The following L3MBTL4 variants were observed in gnomAD, a reference collection of about 807,000 sequenced individuals.
L3MBTL4 encodes the protein lethal(3)malignant brain tumor-like protein 4.
In L3MBTL4, 70 loss-of-function variants were observed where a neutral mutation model predicts 84.5. The observed-to-expected ratio is 0.83, with a 90% CI of 0.68 to 1.01. L3MBTL4 has a LOEUF of 1.01. Among genes scored for constraint, L3MBTL4 ranks in the 50% least tolerant of loss-of-function variants. The probability of loss-of-function intolerance (pLI) is 0.00; values close to 1 mark genes in which losing one functional copy is unlikely to be tolerated. For missense variants in L3MBTL4, 715 were observed against 754.8 expected (o/e 0.95, Z 0.62); for synonymous variants, 274 against 259.8 (o/e 1.05, Z -0.52).
At position 6,205,805 on chromosome 18, in the gene L3MBTL4, G is replaced by A. The variant is rs146405824; in HGVS notation, c.981+7344C>T. ...TTAAAAATAGAGTGCCTACAAAGCA[G>A]GATGTGAGCAAAAGAGACGATGTTT... On this transcript the variant is annotated intron_variant, in intron 12 of 18. Transcript: ENST00000317931. Among the ~76,000 whole-genome samples, 17 of 152,338 alleles carry A rather than the reference G, an allele frequency of 1.1e-4. No individual in the cohort carries two copies. In the East Asian group the frequency reaches 3.3e-3, roughly 29 times the overall value.
At chr18:6,404,852 ATTTT>A (rs796588434) in intron 1 of L3MBTL4, among the ~76,000 whole-genome samples, 1 of 142,258 alleles carries the variant, frequency 7.0e-6, no homozygotes, top group Non-Finnish European at 1.5e-5. Flanking sequence ...TGCCTGGATA[ATTTT>A]TTTTTTTTTT....
chr18:6,158,280 T>A (rs2043180968), intron 13 of L3MBTL4, among the ~76,000 whole-genome samples: 1 of 152,162 alleles, frequency 6.6e-6, no homozygotes, highest in Admixed American at 6.5e-5. Flanking sequence ...AAGGAAGTGG[T>A]CAAATGAAAA....
intron 1 of L3MBTL4, among the ~76,000 whole-genome samples, chr18:6,370,248 A>T (rs1200882457): frequency 1.3e-5 from 2 of 152,102 alleles, no homozygotes; most frequent in Non-Finnish European, 1.5e-5. Context: ...TTGCTTGTGC[A>T]CCCAGGACAG....
chr18:6,261,484 T>A (rs1412608742), intron 5 of L3MBTL4, among the ~76,000 whole-genome samples: 2 of 152,108 alleles, frequency 1.3e-5, no homozygotes, highest in Non-Finnish European at 1.5e-5. Context: ...TCTCTCCAAC[T>A]CTCTCCACCC....
intron 16 of L3MBTL4, among the ~76,000 whole-genome samples, chr18:6,014,653 G>A (rs1025275090): frequency 3.3e-5 from 5 of 152,134 alleles, no homozygotes; most frequent in African/African-American, 4.8e-5. Context: ...CCACATGGCT[G>A]GAGCTCAGAG....
chr18:6,061,988 T>C (rs961525974), intron 16 of L3MBTL4, among the ~76,000 whole-genome samples: 1 of 151,990 alleles, frequency 6.6e-6, no homozygotes, highest in African/African-American at 2.4e-5. Flanking sequence ...TTTGCTATTG[T>C]TATTAAAAAA....
intron 1 of L3MBTL4, among the ~76,000 whole-genome samples, chr18:6,321,593 C>G (rs1368439772): frequency 6.6e-6 from 1 of 152,080 alleles, no homozygotes; most frequent in African/African-American, 2.4e-5. Flanking sequence ...ATCAAAAAGA[C>G]ATATACATTG....
At chr18:6,378,007 C>T (rs1183489002) in intron 1 of L3MBTL4, among the ~76,000 whole-genome samples, 2 of 152,156 alleles carry the variant, frequency 1.3e-5, no homozygotes, top group South Asian at 2.1e-4. Flanking sequence ...TTAATGATCG[C>T]CATTCTAACT....
intron 4 of L3MBTL4, among the ~76,000 whole-genome samples, chr18:6,265,867 A>T (rs772787731): frequency 9.2e-5 from 14 of 152,236 alleles, no homozygotes; most frequent in Non-Finnish European, 1.9e-4. Context: ...CGTTCCAGTT[A>T]GACAGCAGGC....
At chr18:6,103,716 T>C (rs1212397887) in intron 14 of L3MBTL4, among the ~76,000 whole-genome samples, 1 of 152,258 alleles carries the variant, frequency 6.6e-6, no homozygotes, top group East Asian at 1.9e-4. Flanking sequence ...TATATTTATG[T>C]ATACCCGCAA....
intron 4 of L3MBTL4, among the ~76,000 whole-genome samples, chr18:6,279,783 G>T (rs2049247664): frequency 6.6e-6 from 1 of 152,150 alleles, no homozygotes; most frequent in South Asian, 2.1e-4. Flanking sequence ...ACCTATATGA[G>T]ATGGCAGTAT....
chr18:6,284,525 C>A (rs1315857012), intron 4 of L3MBTL4, among the ~76,000 whole-genome samples: 1 of 152,234 alleles, frequency 6.6e-6, no homozygotes, highest in East Asian at 1.9e-4. Flanking sequence ...CACTCAGCTC[C>A]CTCGCTGGCT....
intron 16 of L3MBTL4, among the ~76,000 whole-genome samples, chr18:6,073,558 A>C (rs1346290794): frequency 6.6e-6 from 1 of 152,212 alleles, no homozygotes; most frequent in Non-Finnish European, 1.5e-5. Flanking sequence ...GAGATGAAGA[A>C]GACATTACAA....
intron 14 of L3MBTL4, among the ~76,000 whole-genome samples, chr18:6,114,002 T>C (rs1021887881): frequency 1.3e-5 from 2 of 152,212 alleles, no homozygotes; most frequent in African/African-American, 4.8e-5. Context: ...TTTCTTCCAA[T>C]ATTAATTGAG....
At chr18:6,399,388 G>T (rs1271327800) in intron 1 of L3MBTL4, among the ~76,000 whole-genome samples, 2 of 151,738 alleles carry the variant, frequency 1.3e-5, no homozygotes, top group Non-Finnish European at 2.9e-5. Flanking sequence ...AGAGAGCCAA[G>T]ACTGAACCAC....
chr18:6,225,353 GC>G (rs1464839109), intron 10 of L3MBTL4, among the ~76,000 whole-genome samples: 2 of 152,234 alleles, frequency 1.3e-5, no homozygotes, highest in Non-Finnish European at 2.9e-5. Context: ...TAATGGGCCT[GC>G]CCAAGTGCTC....
At chr18:6,240,898 C>A (rs2047424148) in intron 8 of L3MBTL4, among the ~76,000 whole-genome samples, 1 of 152,164 alleles carries the variant, frequency 6.6e-6, no homozygotes, top group African/African-American at 2.4e-5. Flanking sequence ...ACACGGATGG[C>A]ATAAGAAGTG....
At chr18:6,030,942 A>G (rs1322246301) in intron 16 of L3MBTL4, 1 of 984,708 alleles carries the variant, frequency 1.0e-6, no homozygotes, top group Non-Finnish European at 1.2e-6. Flanking sequence ...GTTTATTGTT[A>G]TGAAATACTC....
At chr18:6,205,037 C>A (rs867687381) in intron 12 of L3MBTL4, among the ~76,000 whole-genome samples, 2 of 152,136 alleles carry the variant, frequency 1.3e-5, no homozygotes, top group African/African-American at 4.8e-5. Context: ...AAATTCTAAT[C>A]CCTGAAAGCT....
Sources: allele counts gnomAD v4.1 joint callset (sites outside exome capture counted in the v4.1 genomes callset), GRCh38; gene constraint gnomAD v4.1.1; transcripts MANE v1.5; gene names NCBI Gene and HGNC (gene_info 2026-07-23, HGNC 2026-07-21).